DCAF5: variants seen among roughly 807,000 people sequenced by gnomAD.
DCAF5 encodes DDB1 and CUL4 associated factor 5, also known as DDB1- and CUL4-associated factor 5.
DCAF5 carries 9 observed loss-of-function variants against 80.7 expected under a neutral mutation model. The ratio of observed to expected loss-of-function variants is 0.11; its 90% CI spans 0.07 to 0.19. DCAF5 has a LOEUF of 0.19. Ranked by LOEUF, DCAF5 falls within the 10% of genes least tolerant of loss-of-function variation. The probability of loss-of-function intolerance (pLI) is 1.00; values close to 1 mark genes in which losing one functional copy is unlikely to be tolerated. For missense variants in DCAF5, 842 were observed against 1,205.7 expected (o/e 0.70, Z 4.47); for synonymous variants, 433 against 461.9 (o/e 0.94, Z 0.80).
In DCAF5 at chr14:69,126,542, T is replaced by C. The variant is rs552010787; in HGVS notation, c.215-4182A>G. Reference sequence around the variant, plus strand: ...CCCACTCAAATTCTCAGCAAATTCATTTTATGCATATCAGCAAAATGATTC... The same window carrying C: ...CCCACTCAAATTCTCAGCAAATTCACTTTATGCATATCAGCAAAATGATTC... On this transcript the variant is annotated intron_variant, in intron 1 of 8. Transcript: ENST00000341516. Among the ~76,000 whole-genome samples the C allele has an allele frequency of 1.3e-4, 20 of 152,326 alleles. No homozygotes were observed. The South Asian group carries it at 1.9e-3, about 14-fold the overall frequency.
chr14:69,078,831 T>C (rs2038993268), intron 6 of DCAF5, among the ~76,000 whole-genome samples: 1 of 152,142 alleles, frequency 6.6e-6, no homozygotes, highest in Non-Finnish European at 1.5e-5. Flanking sequence ...ATAGTGGTGA[T>C]GGTTACACAA....
intron 1 of DCAF5, among the ~76,000 whole-genome samples, chr14:69,151,097 C>G (rs2041688253): frequency 6.6e-6 from 1 of 152,122 alleles, no homozygotes; most frequent in African/African-American, 2.4e-5. Flanking sequence ...AGCAGGGAAA[C>G]TGGGAGCTAG....
rs2037891295 is a variant in DCAF5, at chr14:69,054,811, G to A, written c.1875C>T (p.Leu625=). 1 of 1,614,128 alleles carries A rather than the reference G, an allele frequency of 6.2e-7. No homozygotes were observed. Among genetic ancestry groups the A allele is most frequent in the Admixed American group, 1.7e-5 (1 of 60,008 alleles). Residue 625 remains leucine (L), a synonymous_variant, in exon 9 of 9, where the codon CTC becomes CTT. Transcript: ENST00000341516. ...CAGGGGACGAGGTTGGGGAGGAGGA[G>A]AGGTCATCCACTTTGATCTGGGGGT... The part of the protein sequence containing the change: ...YDYPQIKVDD[L]SSSPTSSPER...
chr14:69,147,364 G>C (rs1002296272), intron 1 of DCAF5, among the ~76,000 whole-genome samples: 5 of 152,210 alleles, frequency 3.3e-5, no homozygotes, highest in African/African-American at 9.7e-5. Flanking sequence ...AACAACAACA[G>C]TTGCAGCAGC....
intron 5 of DCAF5, among the ~76,000 whole-genome samples, chr14:69,112,594 TACACACACACACACACAC>T (rs3044674): frequency 1.4e-5 from 2 of 145,136 alleles, no homozygotes; most frequent in African/African-American, 2.6e-5. Context: ...TATATATGTA[TACACACACACACACACAC>T]ACACACACAC....
At position 69,054,184 on chromosome 14, in the gene DCAF5, A is replaced by G. The variant is rs780472961; in HGVS notation, c.2502T>C (p.Asn834=). 1.2e-6 allele frequency: 2 copies of G among 1,614,158 alleles called. No homozygotes were observed. Among genetic ancestry groups the G allele is most frequent in the East Asian group, 4.5e-5 (2 of 44,880 alleles). Residue 834 remains asparagine, a synonymous_variant, in exon 9 of 9, where the codon AAT becomes AAC. Coordinates refer to ENST00000341516, the MANE Select transcript of DCAF5 (RefSeq NM_003861.3). ...SLETICANHN[N]GRLHPRPPHP... is the part of the protein sequence containing the mutation. ...GAGGGGGACGAGGGTGTAAGCGTCC[A>G]TTGTTGTGGTTGGCACAGATGGTTT...
intron 1 of DCAF5, among the ~76,000 whole-genome samples, chr14:69,122,919 G>A (rs1005678939): frequency 3.3e-5 from 5 of 152,264 alleles, no homozygotes; most frequent in Admixed American, 2.6e-4. Context: ...TTAACTCTGC[G>A]TAACTTTGGG....
Position 69,086,474 on chromosome 14 carries a change from A to G in DCAF5, c.879+5200T>C, listed in dbSNP as rs116214892. ...AAATGGCAAGGAGATGAAAAAAAAA[A>G]GAGTAGCCTAAAATCACAACAAATC... On this transcript the variant is annotated intron_variant, in intron 6 of 8. Transcript: ENST00000341516. 8.7e-3 allele frequency among the ~76,000 whole-genome samples: 1,326 copies of G among 152,328 alleles called. 21 individuals carry two copies. Among genetic ancestry groups the G allele is most frequent in the African/African-American group, 0.03 (1,266 of 41,574 alleles).
chr14:69,057,393 C>T (rs988583181), intron 8 of DCAF5, among the ~76,000 whole-genome samples: 4 of 151,570 alleles, frequency 2.6e-5, no homozygotes, highest in African/African-American at 9.7e-5. Flanking sequence ...CCAAATCTCT[C>T]ACCTCTCCAG....
chr14:69,085,484 A>G (rs1293125528), intron 6 of DCAF5: 7 of 370,612 alleles, frequency 1.9e-5, no homozygotes. Flanking sequence ...TAGAATTTGG[A>G]CTTATCTAAC....
chr14:69,087,285 T>C (rs972332976), intron 6 of DCAF5, among the ~76,000 whole-genome samples: 2 of 152,072 alleles, frequency 1.3e-5, no homozygotes, highest in South Asian at 2.1e-4. Flanking sequence ...TGTAGAGAAG[T>C]GTATGAAGCT....
intron 4 of DCAF5, among the ~76,000 whole-genome samples, chr14:69,117,785 C>T (rs1187310509): frequency 6.6e-6 from 1 of 152,116 alleles, no homozygotes; most frequent in African/African-American, 2.4e-5. Context: ...AAATAACAAG[C>T]CTGAAACTAG....
At chr14:69,069,348 G>A (rs572296789) in intron 7 of DCAF5, among the ~76,000 whole-genome samples, 1 of 152,310 alleles carries the variant, frequency 6.6e-6, no homozygotes, top group East Asian at 1.9e-4. Flanking sequence ...ATGAGTCAAG[G>A]GCAGCCTTCA....
chr14:69,139,876 G>A (rs1384689499), intron 1 of DCAF5, among the ~76,000 whole-genome samples: 2 of 147,924 alleles, frequency 1.4e-5, no homozygotes. Flanking sequence ...GAAGGAGGGA[G>A]GAAGGGAGGG....
rs773910626 is a variant in DCAF5, at chr14:69,055,119, G to A, written c.1567C>T (p.Arg523Cys). 1.2e-5 allele frequency: 20 copies of A among 1,614,136 alleles called. No homozygotes were observed. Among genetic ancestry groups the A allele is most frequent in the Middle Eastern group, 1.6e-4 (1 of 6,084 alleles). ...GACTCATTGGAAAGGGCCAGGAGGC[G>A]TTTGTCTTGGTAGCGCCGCAGAGCA... ...LSALRRYQDK[R>C]LLALSNESDS... The change falls in exon 9 of 9, where the codon CGC becomes TGC. Residue 523 changes from arginine (R) to cysteine (C), a missense_variant. Physicochemically the swap from Arg to Cys is radical, Grantham distance 180. Around this residue, in one of 5 missense-constraint regions of DCAF5, gnomAD observed 607 missense variants for 656.6 expected, o/e 0.92. Transcript: ENST00000341516. This position sits in a 1 kb window ranked among gnomAD's most constrained non-coding sequence, Gnocchi z 5.6.
At chr14:69,138,148 T>C (rs1015731884) in intron 1 of DCAF5, among the ~76,000 whole-genome samples, 8 of 151,578 alleles carry the variant, frequency 5.3e-5, no homozygotes, top group African/African-American at 9.7e-5. Context: ...AAAAGGAACA[T>C]AGCAATCCTC....
At chr14:69,107,220 G>A (rs1053389487) in intron 5 of DCAF5, among the ~76,000 whole-genome samples, 2 of 152,114 alleles carry the variant, frequency 1.3e-5, no homozygotes, top group South Asian at 2.1e-4. Flanking sequence ...GGTCTGAAGC[G>A]ACGTCTCTTG....
At chr14:69,056,489 T>C (rs2037975280) in intron 8 of DCAF5, among the ~76,000 whole-genome samples, 1 of 152,218 alleles carries the variant, frequency 6.6e-6, no homozygotes, top group African/African-American at 2.4e-5. Context: ...GCAAGGTAAT[T>C]AAGCTGTCAC....
Position 69,118,002 on chromosome 14 carries a change from C to A in DCAF5, c.535+137G>T. 1 of 1,250,714 alleles carries A rather than the reference C, an allele frequency of 8.0e-7. No homozygotes were observed. Among genetic ancestry groups the A allele is most frequent in the Non-Finnish European group, 1.1e-6 (1 of 878,780 alleles). The allele number at this position is 1,250,714 out of a possible 1,614,324, so 77.5% of individuals were successfully genotyped here. ...TAAGGCCTCCAAAGACCTCTTATGC[C>A]CCCATGTGAGTGTTTCACATTTCCT... On this transcript the variant is annotated intron_variant, in intron 4 of 8. Coordinates refer to ENST00000341516, the MANE Select transcript of DCAF5 (RefSeq NM_003861.3). This position sits in a 1 kb window ranked among gnomAD's most constrained non-coding sequence, Gnocchi z 4.0.
Sources: allele counts gnomAD v4.1 joint callset (sites outside exome capture counted in the v4.1 genomes callset), GRCh38; gene constraint gnomAD v4.1.1; regional missense constraint gnomAD v4.1.1; non-coding constraint Gnocchi (gnomAD v3.1); transcripts MANE v1.5; gene names NCBI Gene and HGNC (gene_info 2026-07-23, HGNC 2026-07-21).